Variants in GALNT13 observed in about 807,000 individuals in gnomAD.
GALNT13 encodes UDP-GalNAc:polypeptide N-acetylgalactosaminyltransferase 13.
Under a neutral mutation model 64.2 loss-of-function variants are expected in GALNT13, and 28 were observed. The ratio of observed to expected loss-of-function variants is 0.44; its 90% CI spans 0.32 to 0.60. The LOEUF is 0.60. GALNT13 is among the 20% of genes least tolerant of loss of function. The probability of loss-of-function intolerance (pLI) is 0.05; values close to 1 mark genes in which losing one functional copy is unlikely to be tolerated. For synonymous variants in GALNT13, 214 were observed against 224.6 expected (o/e 0.95, Z 0.42); for missense variants, 577 against 669.8 (o/e 0.86, Z 1.53).
the GALNT13 span, among the ~76,000 whole-genome samples, chr2:153,600,432 A>T: frequency 1.3e-5 from 2 of 152,140 alleles, no homozygotes; most frequent in African/African-American, 2.4e-5. Context: ...CAGAAAATCC[A>T]ACTGGAATGG....
At chr2:153,421,863 C>T in the GALNT13 span, 33 of 190,566 alleles carry the variant, frequency 1.7e-4, no homozygotes, top group African/African-American at 7.4e-4. Flanking sequence ...ATTGGGCTAT[C>T]GTGCTGGATG....
the GALNT13 span, among the ~76,000 whole-genome samples, chr2:153,720,226 T>G: frequency 6.9e-6 from 1 of 145,028 alleles, no homozygotes; most frequent in African/African-American, 2.7e-5. Context: ...GGCAGGGTAT[T>G]CCAACAGACC....
chr2:154,281,435 T>C (rs1400042920), intron 8 of GALNT13, among the ~76,000 whole-genome samples: 2 of 152,100 alleles, frequency 1.3e-5, no homozygotes, highest in African/African-American at 4.8e-5. Context: ...AGTAATGACA[T>C]GTAACAATTT....
chr2:153,735,618 C>T, the GALNT13 span, among the ~76,000 whole-genome samples: 1 of 152,174 alleles, frequency 6.6e-6, no homozygotes, highest in African/African-American at 2.4e-5. Context: ...GGTAACAGAT[C>T]CAATCCTGGA....
At chr2:153,907,808 T>A (rs1312555896) in intron 2 of GALNT13, among the ~76,000 whole-genome samples, 1 of 152,222 alleles carries the variant, frequency 6.6e-6, no homozygotes, top group South Asian at 2.1e-4. Context: ...CATTCTACCA[T>A]TGATGGGCAT....
At chr2:154,209,456 T>G (rs1427109695) in intron 4 of GALNT13, among the ~76,000 whole-genome samples, 1 of 152,202 alleles carries the variant, frequency 6.6e-6, no homozygotes, top group African/African-American at 2.4e-5. Flanking sequence ...ATCTATAAAT[T>G]AGGATTCACT....
chr2:153,153,276 G>A, the GALNT13 span, among the ~76,000 whole-genome samples: 1 of 151,888 alleles, frequency 6.6e-6, no homozygotes, highest in African/African-American at 2.4e-5. Context: ...ATTTGTTTAA[G>A]TTCCTTATAG....
chr2:154,397,776 C>A (rs1009024130), intron 10 of GALNT13, among the ~76,000 whole-genome samples: 1 of 152,104 alleles, frequency 6.6e-6, no homozygotes, highest in Admixed American at 6.5e-5. Flanking sequence ...CTCTATAGAG[C>A]TTGATTTACA....
At chr2:153,399,439 A>C in the GALNT13 span, among the ~76,000 whole-genome samples, 1 of 152,162 alleles carries the variant, frequency 6.6e-6, no homozygotes, top group Admixed American at 6.6e-5. Context: ...ACTTTAAAGT[A>C]GTTTTTTCCA....
At chr2:153,940,169 T>C (rs1691235349) in intron 2 of GALNT13, among the ~76,000 whole-genome samples, 1 of 152,176 alleles carries the variant, frequency 6.6e-6, no homozygotes, top group African/African-American at 2.4e-5. Flanking sequence ...TCTTTGTCTC[T>C]TAGTTTAACC....
the GALNT13 span, among the ~76,000 whole-genome samples, chr2:153,285,058 A>C: frequency 2.7e-5 from 4 of 150,724 alleles, no homozygotes; most frequent in African/African-American, 9.8e-5. Flanking sequence ...AAAGAGGTTT[A>C]ATTGACTCAC....
chr2:154,081,166 T>C (rs1283430942), intron 3 of GALNT13, among the ~76,000 whole-genome samples: 1 of 151,598 alleles, frequency 6.6e-6, no homozygotes, highest in Non-Finnish European at 1.5e-5. Context: ...CTGTAGACCA[T>C]ACTCTATGTA....
chr2:153,258,656 T>C, the GALNT13 span, among the ~76,000 whole-genome samples: 1 of 152,160 alleles, frequency 6.6e-6, no homozygotes, highest in Non-Finnish European at 1.5e-5. Context: ...ATGTTTTTTT[T>C]CCATTTTTTC....
the GALNT13 span, among the ~76,000 whole-genome samples, chr2:153,307,162 A>G: frequency 6.6e-6 from 1 of 152,224 alleles, no homozygotes; most frequent in Non-Finnish European, 1.5e-5. Context: ...ACAATCTGAA[A>G]CATAAAGCAT....
intron 4 of GALNT13, among the ~76,000 whole-genome samples, chr2:154,198,222 C>G (rs1686980257): frequency 6.6e-6 from 1 of 151,968 alleles, no homozygotes; most frequent in African/African-American, 2.4e-5. Flanking sequence ...ACATTTAATT[C>G]AGAGCAGTGA....
chr2:153,849,547 G>A, the GALNT13 span, among the ~76,000 whole-genome samples: 1 of 152,144 alleles, frequency 6.6e-6, no homozygotes, highest in African/African-American at 2.4e-5. Context: ...TGAGAAAGGG[G>A]AAACAAACAA....
At chr2:153,209,771 C>G in the GALNT13 span, among the ~76,000 whole-genome samples, 1 of 152,046 alleles carries the variant, frequency 6.6e-6, no homozygotes, top group Non-Finnish European at 1.5e-5. Context: ...TAACTAACAC[C>G]TTATTGATAT....
chr2:153,573,407 T>C, the GALNT13 span, among the ~76,000 whole-genome samples: 3 of 151,970 alleles, frequency 2.0e-5, no homozygotes, highest in Non-Finnish European at 4.4e-5. Flanking sequence ...ACCCCATATT[T>C]TGTCTTTTGA....
chr2:153,507,659 C>CT, the GALNT13 span, among the ~76,000 whole-genome samples: 7 of 152,230 alleles, frequency 4.6e-5, no homozygotes, highest in South Asian at 1.2e-3. Flanking sequence ...CTTCTGAATT[C>CT]TTTTTCTGGC....
Sources: allele counts gnomAD v4.1 joint callset (sites outside exome capture counted in the v4.1 genomes callset), GRCh38; gene constraint gnomAD v4.1.1; transcripts MANE v1.5; gene names NCBI Gene and HGNC (gene_info 2026-07-23, HGNC 2026-07-21).